DDX24: variants seen among roughly 807,000 people sequenced by gnomAD.
The protein encoded by DDX24 is ATP-dependent RNA helicase DDX24.
DDX24 carries 24 observed loss-of-function variants against 68.9 expected under a neutral mutation model. The observed-to-expected ratio is 0.35, with a 90% CI of 0.25 to 0.49. The LOEUF (loss-of-function observed/expected upper bound fraction) is 0.49. DDX24 is among the 20% of genes least tolerant of loss of function. The pLI is 0.99. For synonymous variants in DDX24, 395 were observed against 385.2 expected, an observed-to-expected ratio of 1.03 and a Z score of -0.30; for missense variants, 989 against 1,039.0, an observed-to-expected ratio of 0.95 and a Z score of 0.66.
At chr14:94,075,646 G>C (rs2141436202) in intron 2 of DDX24, among the ~76,000 whole-genome samples, 1 of 152,252 alleles carries the variant, frequency 6.6e-6, no homozygotes, top group Admixed American at 6.5e-5. Flanking sequence ...ATTCATAAAA[G>C]ACAAGGCTAA....
At chr14:94,075,620 GGC>G (rs749546388) in intron 2 of DDX24, among the ~76,000 whole-genome samples, 4 of 152,090 alleles carry the variant, frequency 2.6e-5, no homozygotes, top group Non-Finnish European at 5.9e-5. Flanking sequence ...AAACACCAAC[GGC>G]ACCAAAAGCA....
intron 2 of DDX24, among the ~76,000 whole-genome samples, chr14:94,070,734 A>T (rs1349882537): frequency 6.6e-6 from 1 of 152,226 alleles, no homozygotes; most frequent in Non-Finnish European, 1.5e-5. Flanking sequence ...ATCTTCAACA[A>T]AGCAAACAAA....
At position 94,051,213 on chromosome 14, in the gene DDX24, T is replaced by C; in HGVS notation, c.2558A>G (p.Gln853Arg). Residue 853 changes from glutamine to arginine, a missense_variant, in exon 9 of 9, where the codon CAG becomes CGG. Gln to Arg is a conservative substitution (Grantham distance 43, BLOSUM62 1). This residue lies in a region of DDX24 where 691 missense variants were observed against 760.0 expected (regional missense o/e 0.91). Coordinates refer to ENST00000621632, the MANE Select transcript of DDX24 (RefSeq NM_020414.4). The stretch of plus-strand genomic sequence containing the variant: ...CAGTTAATTTGCACTTGTACTTGGC[T>C]GTGGCTGTTCCGGCTGTGGCTCCTT... Reference protein sequence around the residue: ...KPKEPQPEQPQPSTSAN With the variant: ...KPKEPQPEQPRPSTSAN 2 of 1,573,708 alleles carry C rather than the reference T, an allele frequency of 1.3e-6. No homozygotes were observed. The highest frequency in any genetic ancestry group is 1.7e-6 in the Non-Finnish European group (2 of 1,160,622).
chr14:94,066,488 G>A (rs549193674), intron 2 of DDX24, among the ~76,000 whole-genome samples: 1 of 152,190 alleles, frequency 6.6e-6, no homozygotes, highest in Non-Finnish European at 1.5e-5. Context: ...TACTATAGCT[G>A]ATGCTTTCTG....
intron 2 of DDX24, among the ~76,000 whole-genome samples, chr14:94,070,986 G>A (rs1885815614): frequency 6.6e-6 from 1 of 152,112 alleles, no homozygotes; most frequent in South Asian, 2.1e-4. Flanking sequence ...AAAAGCAAAT[G>A]CAATAAAAAC....
intron 1 of DDX24, among the ~76,000 whole-genome samples, chr14:94,080,482 C>G (rs569496345): frequency 9.2e-5 from 14 of 152,284 alleles, no homozygotes; most frequent in Non-Finnish European, 1.9e-4. Flanking sequence ...TCCAGATCCA[C>G]CACTTGTCAG....
rs1019347956 is a variant in DDX24 at position 94,051,118 on chromosome 14, A to G, written c.*73T>C. ...CCTGGGGTTGGTGGTGGAGTGAAAC[A>G]CAAGGGTGGGAGAGGTTTTGCAAAT... On this transcript the variant is annotated 3_prime_UTR_variant, in exon 9 of 9. Coordinates refer to ENST00000621632, the MANE Select transcript of DDX24 (RefSeq NM_020414.4). The G allele has an allele frequency of 6.8e-7, 1 of 1,475,420 alleles. No homozygotes were observed. Among genetic ancestry groups the G allele is most frequent in the African/African-American group, 1.4e-5 (1 of 70,428 alleles). 91.4% of individuals were successfully genotyped at this position (1,475,420 alleles called of 1,614,324 possible). A position where few individuals can be genotyped will look rare whatever the true frequency, so the allele number is the denominator to read the frequency against.
At chr14:94,065,292 T>C (rs1567060027) in intron 2 of DDX24, among the ~76,000 whole-genome samples, 1 of 151,864 alleles carries the variant, frequency 6.6e-6, no homozygotes, top group East Asian at 1.9e-4. Context: ...CACCTCGTGA[T>C]CCACCTGCCC....
Position 94,071,518 on chromosome 14 carries a change from A to G in DDX24, c.718+7507T>C, listed in dbSNP as rs540681386. On this transcript the variant is annotated intron_variant, in intron 2 of 8. Coordinates refer to ENST00000621632, the MANE Select transcript of DDX24 (RefSeq NM_020414.4). ...ACAAAAATTAGTCGGGCATGGTGGC[A>G]GGCACCTGTAATCCCAGCTACTTAA... Among the ~76,000 whole-genome samples, 346 of 152,234 alleles carry G rather than the reference A, an allele frequency of 2.3e-3. 2 individuals carry two copies. Among genetic ancestry groups the G allele is most frequent in the African/African-American group, 7.8e-3 (324 of 41,544 alleles).
chr14:94,077,701 C>G (rs2141437783), intron 2 of DDX24, among the ~76,000 whole-genome samples: 1 of 152,220 alleles, frequency 6.6e-6, no homozygotes, highest in Middle Eastern at 3.4e-3. Flanking sequence ...TTCCCCTTTC[C>G]TGTAGTTCCT....
rs372084739 is a variant in DDX24, at chr14:94,078,978, T to C, written c.718+47A>G. 14 of 1,547,210 alleles carry C rather than the reference T, an allele frequency of 9.0e-6. No homozygotes were observed. In the African/African-American group the frequency reaches 9.6e-5, roughly 11 times the overall value. On this transcript the variant is annotated intron_variant, in intron 2 of 8. Transcript: ENST00000621632. ...CAATTATCTGGCCTATTAGCAGCTA[T>C]GGGCTCAATCCAGAAGCAATCCTGC...
chr14:94,067,411 T>G (rs1950342), intron 2 of DDX24, among the ~76,000 whole-genome samples: 1,910 of 152,216 alleles, frequency 0.013, 42 homozygotes, highest in African/African-American at 0.042. Context: ...AAAACATATT[T>G]GGAGGAATAA....
At chr14:94,064,682 T>C (rs535889661) in intron 2 of DDX24, among the ~76,000 whole-genome samples, 1 of 152,342 alleles carries the variant, frequency 6.6e-6, no homozygotes, top group South Asian at 2.1e-4. Context: ...TACCTTGCCC[T>C]AGTCATCTCA....
intron 2 of DDX24, among the ~76,000 whole-genome samples, chr14:94,063,601 C>T (rs1439391914): frequency 1.3e-5 from 2 of 152,172 alleles, no homozygotes; most frequent in African/African-American, 4.8e-5. Flanking sequence ...TAAAGAGCAA[C>T]CGAAACAGTA....
At position 94,062,144 on chromosome 14, in the gene DDX24, A is replaced by T; in HGVS notation, c.1196T>A (p.Leu399Gln). 1 of 1,613,930 alleles carries T rather than the reference A, an allele frequency of 6.2e-7. No homozygotes were observed. Among genetic ancestry groups the T allele is most frequent in the South Asian group, 1.1e-5 (1 of 91,068 alleles). The change falls in exon 3 of 9, where the codon CTG becomes CAG. Residue 399 changes from leucine (L) to glutamine (Q), a missense_variant. Physicochemically the swap from Leu to Gln is moderately radical, Grantham distance 113. Around this residue, in one of 3 missense-constraint regions of DDX24, gnomAD observed 691 missense variants for 760.0 expected, o/e 0.91. Transcript: ENST00000621632. ...AATGTGCTGTTTGACCTGGACGGCCAGCTCTCGAGTGGGAGTCAGAACCAG... is the reference window on the plus strand; with the variant it reads ...AATGTGCTGTTTGACCTGGACGGCCTGCTCTCGAGTGGGAGTCAGAACCAG... ...LGLVLTPTRE[L>Q]AVQVKQHIDA... is the part of the protein sequence containing the mutation.
intron 2 of DDX24, among the ~76,000 whole-genome samples, chr14:94,074,270 AACATT>A (rs1480523988): frequency 1.3e-5 from 2 of 152,142 alleles, no homozygotes; most frequent in Admixed American, 1.3e-4. Context: ...CCAACACCAA[AACATT>A]ACAAGAAAAC....
chr14:94,079,978 T>A (rs1179357258), intron 1 of DDX24, among the ~76,000 whole-genome samples: 1 of 152,132 alleles, frequency 6.6e-6, no homozygotes, highest in Non-Finnish European at 1.5e-5. Context: ...TAGACCTGGT[T>A]TGAATTCCAA....
chr14:94,079,129 C>G lies in DDX24; in HGVS notation c.614G>C (p.Arg205Pro), dbSNP rs748177362. 1 of 1,614,194 alleles carries G rather than the reference C, an allele frequency of 6.2e-7. No homozygotes were observed. Among genetic ancestry groups the G allele is most frequent in the South Asian group, 1.1e-5 (1 of 91,084 alleles). Residue 205 changes from arginine (R) to proline (P), a missense_variant, in exon 2 of 9, where the codon CGA (arginine) becomes CCA (proline). Transcript: ENST00000621632. ...AGAGAAGCCTAGAAAGCTGAGTGCT[C>G]GGAGAACCGGCCTGGGAACAAACAG... ...KDLFVPRPVL[R>P]ALSFLGFSAP... is the part of the protein sequence containing the mutation.
At chr14:94,064,275 A>C (rs1397563440) in intron 2 of DDX24, among the ~76,000 whole-genome samples, 1 of 152,248 alleles carries the variant, frequency 6.6e-6, no homozygotes, top group Non-Finnish European at 1.5e-5. Flanking sequence ...GAGCCTTGTA[A>C]CTTTCTCAGT....
Sources: gnomAD v4.1 joint callset for allele counts (sites outside exome capture counted in the v4.1 genomes callset) on GRCh38, gnomAD v4.1.1 for gene constraint, gnomAD v4.1.1 regional missense constraint, MANE v1.5 for transcripts, NCBI Gene and HGNC (gene_info 2026-07-23, HGNC 2026-07-21) for gene names.